The following NRXN3 variants were observed in gnomAD, a reference collection of about 807,000 sequenced individuals.
NRXN3 encodes the protein neurexin III.
In NRXN3, 32 loss-of-function variants were observed where a neutral mutation model predicts 137.6. That is an observed-to-expected ratio of 0.23 (90% CI 0.18 to 0.31). NRXN3 has a LOEUF of 0.31. NRXN3 is among the 10% of genes least tolerant of loss of function. The pLI, the probability that NRXN3 is intolerant of heterozygous loss-of-function variation, is 1.00. For missense variants in NRXN3, 1,574 were observed against 2,062.5 expected, an observed-to-expected ratio of 0.76 and a Z score of 4.59; for synonymous variants, 798 against 784.5, an observed-to-expected ratio of 1.02 and a Z score of -0.29.
chr14:78,377,124 G>T (rs1490178524), intron 4 of NRXN3, among the ~76,000 whole-genome samples: 2 of 152,142 alleles, frequency 1.3e-5, no homozygotes, highest in Non-Finnish European at 2.9e-5. Context: ...TAAAGAGATT[G>T]GGAGAAAGGA....
chr14:79,481,502 C>T (rs932862629), intron 16 of NRXN3, among the ~76,000 whole-genome samples: 5 of 152,164 alleles, frequency 3.3e-5, no homozygotes, highest in Admixed American at 6.5e-5. Flanking sequence ...ACCTGCACAG[C>T]GTGTTCCTGT....
At chr14:79,624,774 C>T (rs1241265934) in intron 16 of NRXN3, among the ~76,000 whole-genome samples, 3 of 149,766 alleles carry the variant, frequency 2.0e-5, no homozygotes, top group East Asian at 3.9e-4. Flanking sequence ...AACTCTTTCA[C>T]TCTCTCTTTC....
intron 7 of NRXN3, chr14:78,709,970 C>T (rs536950040): frequency 6.9e-5 from 22 of 319,784 alleles, no homozygotes; most frequent in South Asian, 5.4e-4. Context: ...TGGTGTGATC[C>T]GCCCCCATTG....
intron 15 of NRXN3, among the ~76,000 whole-genome samples, chr14:79,326,828 C>T (rs181121059): frequency 9.9e-5 from 15 of 152,222 alleles, no homozygotes; most frequent in Admixed American, 3.9e-4. Flanking sequence ...AAGATAAAGA[C>T]GAACAAAATT....
chr14:78,669,732 G>A (rs886261503), intron 6 of NRXN3, among the ~76,000 whole-genome samples: 2 of 152,014 alleles, frequency 1.3e-5, no homozygotes, highest in African/African-American at 4.8e-5. Flanking sequence ...GACCATATAG[G>A]GTGTCTTTTA....
chr14:78,640,811 G>T (rs532183585), intron 4 of NRXN3, among the ~76,000 whole-genome samples: 60 of 152,232 alleles, frequency 3.9e-4, no homozygotes, highest in Non-Finnish European at 7.1e-4. Flanking sequence ...GTTGAGCTTT[G>T]CTTTTCATGC....
At chr14:79,190,301 T>G (rs758787775) in intron 15 of NRXN3, among the ~76,000 whole-genome samples, 2 of 152,180 alleles carry the variant, frequency 1.3e-5, no homozygotes, top group African/African-American at 2.4e-5. Context: ...TTTCTTCTTT[T>G]TGCTTTCTTT....
chr14:79,489,404 G>A (rs780739875), intron 16 of NRXN3, among the ~76,000 whole-genome samples: 4 of 152,122 alleles, frequency 2.6e-5, no homozygotes, highest in Non-Finnish European at 4.4e-5. Context: ...CACCAATCCA[G>A]TCGGGTGGGC....
At chr14:78,471,337 C>T (rs1431935562) in intron 4 of NRXN3, among the ~76,000 whole-genome samples, 1 of 137,360 alleles carries the variant, frequency 7.3e-6, no homozygotes, top group African/African-American at 2.7e-5. Context: ...CACACACCCC[C>T]AAGAAATTCA....
At chr14:78,498,093 C>T (rs768916791) in intron 4 of NRXN3, among the ~76,000 whole-genome samples, 3 of 152,116 alleles carry the variant, frequency 2.0e-5, no homozygotes, top group Non-Finnish European at 4.4e-5. Flanking sequence ...GTAGGTGTGT[C>T]TCTAGCACCT....
In NRXN3 at chr14:79,867,473, G is replaced by C. The variant is rs1225460823; in HGVS notation, c.*5509G>C. The C allele has an allele frequency of 6.6e-6, 1 of 152,166 alleles. No individual in the cohort carries two copies. Among genetic ancestry groups the C allele is most frequent in the Non-Finnish European group, 1.5e-5 (1 of 68,050 alleles). 9.4% of individuals were successfully genotyped at this position (152,166 alleles called of 1,614,324 possible). On this transcript the variant is annotated 3_prime_UTR_variant, in exon 21 of 21. Coordinates refer to ENST00000335750, the MANE Select transcript of NRXN3 (RefSeq NM_001330195.2). The stretch of plus-strand genomic sequence containing the variant: ...TATGTACTCACAGGGCCTTTCTTCT[G>C]TTCATGCACTGAGAGATTTCTTTTT...
At chr14:79,024,910 A>G (rs2099595609) in intron 15 of NRXN3, among the ~76,000 whole-genome samples, 1 of 152,200 alleles carries the variant, frequency 6.6e-6, no homozygotes, top group Non-Finnish European at 1.5e-5. Flanking sequence ...CTAACACAAC[A>G]GTCCAAAAAG....
intron 16 of NRXN3, among the ~76,000 whole-genome samples, chr14:79,480,908 G>A (rs1368171392): frequency 6.6e-6 from 1 of 152,088 alleles, no homozygotes; most frequent in Non-Finnish European, 1.5e-5. Context: ...CCCCAGCCAT[G>A]CTTCCTATAT....
chr14:79,019,533 A>C (rs2099585187), intron 15 of NRXN3, among the ~76,000 whole-genome samples: 2 of 152,166 alleles, frequency 1.3e-5, no homozygotes, highest in South Asian at 4.2e-4. Context: ...GACTTCTGGG[A>C]GAAAGGTGCA....
intron 8 of NRXN3, among the ~76,000 whole-genome samples, chr14:78,756,545 CAAAAA>C (rs869164043): frequency 4.2e-5 from 3 of 70,828 alleles, no homozygotes; most frequent in Non-Finnish European, 6.3e-5. Context: ...GATTCTGTCT[CAAAAA>C]AAAAAAAAAA....
chr14:78,713,649 C>T (rs868437796), intron 7 of NRXN3, among the ~76,000 whole-genome samples: 56 of 152,300 alleles, frequency 3.7e-4, no homozygotes, highest in African/African-American at 1.3e-3. Flanking sequence ...TTAATTGACT[C>T]ACTATTCAGC....
intron 19 of NRXN3, among the ~76,000 whole-genome samples, chr14:79,793,364 G>C (rs1189174953): frequency 6.6e-6 from 1 of 152,132 alleles, no homozygotes; most frequent in African/African-American, 2.4e-5. Context: ...GCAGTGAGCC[G>C]AGATCAAGCC....
rs547562716 is a variant in NRXN3 at position 79,478,503 on chromosome 14, G to A, written c.3444+11101G>A. Among the ~76,000 whole-genome samples the A allele has an allele frequency of 1.3e-4, 20 of 151,868 alleles. No homozygotes were observed. The South Asian group carries it at 3.7e-3, about 28-fold the overall frequency. On this transcript the variant is annotated intron_variant, in intron 16 of 20. Coordinates refer to ENST00000335750, the MANE Select transcript of NRXN3 (RefSeq NM_001330195.2). Reference sequence around the variant, plus strand: ...GTATTCTGCATTTCTTCTCTGTCACGGGCATCATTAACTTTGAGCCAGAGG... The same window carrying A: ...GTATTCTGCATTTCTTCTCTGTCACAGGCATCATTAACTTTGAGCCAGAGG...
chr14:79,322,078 A>G (rs557132644), intron 15 of NRXN3, among the ~76,000 whole-genome samples: 3 of 152,194 alleles, frequency 2.0e-5, no homozygotes, highest in Admixed American at 1.3e-4. Flanking sequence ...AAAATAAAAA[A>G]GATCTCATGG....
Sources: allele counts gnomAD v4.1 joint callset (sites outside exome capture counted in the v4.1 genomes callset), GRCh38; gene constraint gnomAD v4.1.1; transcripts MANE v1.5; gene names NCBI Gene and HGNC (gene_info 2026-07-23, HGNC 2026-07-21).